RNF169: variants seen among roughly 807,000 people sequenced by gnomAD.
RNF169 encodes E3 ubiquitin-protein ligase RNF169.
A neutral mutation model predicts 53.9 loss-of-function variants in RNF169; 24 were observed. The observed-to-expected ratio is 0.45, with a 90% CI of 0.32 to 0.63. RNF169 has a LOEUF of 0.63. Among genes scored for constraint, RNF169 ranks in the 20% least tolerant of loss-of-function variants. RNF169 has a pLI of 0.04. For synonymous variants in RNF169, 396 were observed against 363.5 expected, an observed-to-expected ratio of 1.09 and a Z score of -1.02; for missense variants, 883 against 906.2, an observed-to-expected ratio of 0.97 and a Z score of 0.33.
chr11:74,798,030 T>G (rs1413131704), intron 2 of RNF169, among the ~76,000 whole-genome samples: 2 of 152,236 alleles, frequency 1.3e-5, no homozygotes, highest in Admixed American at 1.3e-4. Context: ...GTCTTTACTT[T>G]AATCTCTTAA....
At chr11:74,813,238 T>A (rs2035898611) in intron 3 of RNF169, among the ~76,000 whole-genome samples, 2 of 152,206 alleles carry the variant, frequency 1.3e-5, no homozygotes, top group African/African-American at 4.8e-5. Context: ...TTGTTGAGTA[T>A]AGGAAATGTC....
At chr11:74,773,116 T>C (rs1401777854) in intron 1 of RNF169, among the ~76,000 whole-genome samples, 3 of 152,218 alleles carry the variant, frequency 2.0e-5, no homozygotes, top group Non-Finnish European at 4.4e-5. Flanking sequence ...TTTTGGTGAC[T>C]AGGAGATTTG....
chr11:74,775,826 T>C (rs535445524), intron 1 of RNF169, among the ~76,000 whole-genome samples: 2 of 152,346 alleles, frequency 1.3e-5, no homozygotes, highest in South Asian at 2.1e-4. Flanking sequence ...TATGTCTGTC[T>C]CTGGCACTAT....
chr11:74,779,602 G>A (rs1274084147), intron 1 of RNF169, among the ~76,000 whole-genome samples: 1 of 151,914 alleles, frequency 6.6e-6, no homozygotes, highest in Non-Finnish European at 1.5e-5. Context: ...AAACACTTTA[G>A]TTTGGTTTTA....
chr11:74,770,410 A>T (rs1278386467), intron 1 of RNF169, among the ~76,000 whole-genome samples: 1 of 152,282 alleles, frequency 6.6e-6, no homozygotes, highest in African/African-American at 2.4e-5. Context: ...ATTATAATTC[A>T]TAGGAGAAGG....
chr11:74,829,903 G>T (rs1174489273), intron 4 of RNF169, among the ~76,000 whole-genome samples: 1 of 152,112 alleles, frequency 6.6e-6, no homozygotes, highest in Admixed American at 6.5e-5. Context: ...GCTAATGGAT[G>T]CTGGGCTTAA....
Position 74,748,900 on chromosome 11 carries a change from G to A in RNF169, c.20G>A (p.Ser7Asn), listed in dbSNP as rs1268225524. 7.0e-7 allele frequency: 1 copy of A among 1,434,142 alleles called. No homozygotes were observed. Among genetic ancestry groups the A allele is most frequent in the Non-Finnish European group, 9.2e-7 (1 of 1,082,254 alleles). 88.8% of individuals were successfully genotyped at this position (1,434,142 alleles called of 1,614,324 possible). ...AACAAGATGGCGGCTGCAGGTCCGA[G>A]TACTCGGGCCTCTTCCGCGGCGGCA... Reference protein sequence around the residue: MAAAGPSTRASSAAAAA... With the variant: MAAAGPNTRASSAAAAA... Residue 7 changes from serine to asparagine, a missense_variant, in exon 1 of 6, where the codon AGT becomes AAT. Coordinates refer to ENST00000299563, the MANE Select transcript of RNF169 (RefSeq NM_001098638.2).
intron 1 of RNF169, among the ~76,000 whole-genome samples, chr11:74,755,528 A>G (rs1011423332): frequency 3.3e-5 from 5 of 152,236 alleles, no homozygotes; most frequent in Admixed American, 1.3e-4. Context: ...TGAATAAGAC[A>G]TGGTACCTTT....
chr11:74,794,411 T>G (rs1227990599), intron 2 of RNF169, among the ~76,000 whole-genome samples: 1 of 152,154 alleles, frequency 6.6e-6, no homozygotes, highest in African/African-American at 2.4e-5. Context: ...AAAGAGTTAG[T>G]TGTAGGGTCA....
At chr11:74,823,964 T>C (rs536819097) in intron 4 of RNF169, among the ~76,000 whole-genome samples, 1 of 152,240 alleles carries the variant, frequency 6.6e-6, no homozygotes, top group Admixed American at 6.5e-5. Flanking sequence ...CTGATTTTCA[T>C]AGTTGCCACC....
intron 1 of RNF169, among the ~76,000 whole-genome samples, chr11:74,752,583 A>G (rs1343980603): frequency 2.7e-5 from 4 of 149,900 alleles, no homozygotes; most frequent in African/African-American, 7.4e-5. Flanking sequence ...GTGGCAGAGC[A>G]AGACTCTGTC....
At chr11:74,814,687 G>A (rs1028085230) in intron 3 of RNF169, among the ~76,000 whole-genome samples, 5 of 151,850 alleles carry the variant, frequency 3.3e-5, no homozygotes, top group East Asian at 1.9e-4. Flanking sequence ...CACCATGCCC[G>A]GCCTGTTTTT....
chr11:74,817,107 A>G (rs1447297490), intron 3 of RNF169, among the ~76,000 whole-genome samples: 1 of 152,240 alleles, frequency 6.6e-6, no homozygotes, highest in Non-Finnish European at 1.5e-5. Flanking sequence ...GAGTGGAAAT[A>G]GCATGGAGAC....
intron 4 of RNF169, among the ~76,000 whole-genome samples, chr11:74,820,749 G>A (rs1288288443): frequency 6.6e-6 from 1 of 152,186 alleles, no homozygotes; most frequent in Non-Finnish European, 1.5e-5. Context: ...GCAATGTGGA[G>A]CTTAAGGAGA....
At chr11:74,791,751 C>T (rs1423227191) in intron 2 of RNF169, among the ~76,000 whole-genome samples, 1 of 152,198 alleles carries the variant, frequency 6.6e-6, no homozygotes, top group Non-Finnish European at 1.5e-5. Flanking sequence ...GCATCCTGGG[C>T]CCCCAAGAGC....
At position 74,838,789 on chromosome 11, in the gene RNF169, A is replaced by G. The variant is rs1053522096; in HGVS notation, c.*2059A>G. The G allele has an allele frequency of 3.3e-5, 5 of 152,224 alleles. No individual in the cohort carries two copies. The highest frequency in any genetic ancestry group is 1.2e-4 in the African/African-American group (5 of 41,452). The allele number at this position is 152,224 out of a possible 1,614,324, so 9.4% of individuals were successfully genotyped here. On this transcript the variant is annotated 3_prime_UTR_variant, in exon 6 of 6. Coordinates refer to ENST00000299563, the MANE Select transcript of RNF169 (RefSeq NM_001098638.2). ...GAGCTGGCTCTGGTTTACAGAAGACAGGGAGGGTGACCTTACTATAAATGC... is the reference window on the plus strand; with the variant it reads ...GAGCTGGCTCTGGTTTACAGAAGACGGGGAGGGTGACCTTACTATAAATGC...
At chr11:74,760,003 A>C (rs925194082) in intron 1 of RNF169, among the ~76,000 whole-genome samples, 2 of 151,274 alleles carry the variant, frequency 1.3e-5, no homozygotes, top group African/African-American at 4.9e-5. Context: ...TTATTGGTCT[A>C]TTCAGAGATT....
intron 1 of RNF169, among the ~76,000 whole-genome samples, chr11:74,785,203 T>TACATATG (rs1453724611): frequency 1.7e-5 from 2 of 120,926 alleles, no homozygotes; most frequent in Non-Finnish European, 3.1e-5. Flanking sequence ...ATATGATATA[T>TACATATG]ATATATGATA....
At chr11:74,784,000 C>G (rs563449172) in intron 1 of RNF169, among the ~76,000 whole-genome samples, 59 of 152,256 alleles carry the variant, frequency 3.9e-4, no homozygotes, top group African/African-American at 1.4e-3. Flanking sequence ...AGGGGGAGAT[C>G]TTCATTTTTC....
Sources: gnomAD v4.1 joint callset for allele counts (sites outside exome capture counted in the v4.1 genomes callset) on GRCh38, gnomAD v4.1.1 for gene constraint, MANE v1.5 for transcripts, NCBI Gene and HGNC (gene_info 2026-07-23, HGNC 2026-07-21) for gene names.